PTPRQ: variants seen among roughly 807,000 people sequenced by gnomAD.
The protein encoded by PTPRQ is phosphatidylinositol phosphatase PTPRQ.
In PTPRQ, 199 loss-of-function variants were observed where a neutral mutation model predicts 246.0. The observed-to-expected ratio is 0.81, with a 90% CI of 0.72 to 0.91. The LOEUF is 0.91. PTPRQ is among the 40% of genes least tolerant of loss of function. The pLI, the probability that PTPRQ is intolerant of heterozygous loss-of-function variation, is 0.00. For synonymous variants in PTPRQ, 869 were observed against 853.2 expected (o/e 1.02, Z -0.32); for missense variants, 2,624 against 2,528.4 (o/e 1.04, Z -0.81).
intron 35 of PTPRQ, among the ~76,000 whole-genome samples, chr12:80,636,180 T>C (rs1295874911): frequency 6.6e-6 from 1 of 152,200 alleles, no homozygotes; most frequent in Non-Finnish European, 1.5e-5. Flanking sequence ...AACATTCAGA[T>C]GTTGATCTTT....
chr12:80,653,997 A>AT (rs1900340741), intron 38 of PTPRQ, among the ~76,000 whole-genome samples: 2 of 150,558 alleles, frequency 1.3e-5, no homozygotes. Context: ...AACATTCATA[A>AT]TTTCTTTTTC....
intron 3 of PTPRQ, among the ~76,000 whole-genome samples, chr12:80,457,332 T>G (rs1230588146): frequency 1.3e-5 from 2 of 152,116 alleles, no homozygotes; most frequent in Non-Finnish European, 2.9e-5. Context: ...CATTTATTCC[T>G]GTGTGACCTT....
At chr12:80,479,880 T>C (rs1893971742) in intron 8 of PTPRQ, among the ~76,000 whole-genome samples, 1 of 151,972 alleles carries the variant, frequency 6.6e-6, no homozygotes, top group Admixed American at 6.6e-5. Context: ...AAGCAAGTCC[T>C]GAGTGACCTA....
intron 3 of PTPRQ, among the ~76,000 whole-genome samples, chr12:80,455,349 A>G (rs187947121): frequency 1.3e-5 from 2 of 152,342 alleles, no homozygotes; most frequent in East Asian, 3.9e-4. Context: ...TTTAAATTAA[A>G]TAATTTAGCC....
At chr12:80,523,605 C>T (rs1301558504) in intron 17 of PTPRQ, among the ~76,000 whole-genome samples, 2 of 152,154 alleles carry the variant, frequency 1.3e-5, no homozygotes. Context: ...TTTATTTCTG[C>T]CTTCATTTCA....
chr12:80,452,919 C>A lies in PTPRQ; in HGVS notation c.391-4656C>A, dbSNP rs1048595166. 2.6e-5 allele frequency among the ~76,000 whole-genome samples: 4 copies of A among 152,236 alleles called. No individual in the cohort carries two copies. In the East Asian group the frequency reaches 7.7e-4, roughly 29 times the overall value. On this transcript the variant is annotated intron_variant, in intron 3 of 44. Coordinates refer to ENST00000644991, the MANE Select transcript of PTPRQ (RefSeq NM_001145026.2). ...TGAATGTGAATGTTGACCTGCCTTG[C>A]TGGATTGGGGAAGTTCTCCTGGATA...
chr12:80,668,971 C>T, intron 39 of PTPRQ, 36 bp from the exon 40 acceptor site: 1 of 1,518,772 alleles, frequency 6.6e-7, no homozygotes, highest in South Asian at 1.3e-5. Flanking sequence ...TATCTGTGAA[C>T]ACAGTGATGC....
At chr12:80,566,335 G>C (rs150203957) in intron 25 of PTPRQ, among the ~76,000 whole-genome samples, 1 of 151,726 alleles carries the variant, frequency 6.6e-6, no homozygotes. Flanking sequence ...AAAGTTAGCC[G>C]GGCATGGTGG....
chr12:80,510,280 A>T, intron 16 of PTPRQ, 43 bp from the exon 17 acceptor site: 1 of 1,388,538 alleles, frequency 7.2e-7, no homozygotes, highest in Non-Finnish European at 9.4e-7. Context: ...TTTTTCTTAT[A>T]TATGTTTAAT....
At chr12:80,509,780 T>C (rs932510225) in intron 16 of PTPRQ, among the ~76,000 whole-genome samples, 1 of 152,170 alleles carries the variant, frequency 6.6e-6, no homozygotes, top group Non-Finnish European at 1.5e-5. Flanking sequence ...CCATTCAATT[T>C]TGAAGACTGA....
In PTPRQ at chr12:80,669,106, T is replaced by G. The variant is rs1396168469; in HGVS notation, c.6292T>G (p.Leu2098Val). The G allele has an allele frequency of 6.5e-7, 1 of 1,550,368 alleles. No homozygotes were observed. The highest frequency in any genetic ancestry group is 8.7e-7 in the Non-Finnish European group (1 of 1,146,012). Residue 2098 changes from leucine (L) to valine (V), a missense_variant, in exon 40 of 45, where the codon TTA (leucine) becomes GTA (valine). Transcript: ENST00000644991. ...GGTGTGGGAAACCAGAGCAAAAACA[T>G]TAGTAATGCTAACACAGTGTTTTGA... ...RMVWETRAKT[L>V]VMLTQCFEKG...
At chr12:80,467,301 A>T (rs1403154692) in intron 6 of PTPRQ, among the ~76,000 whole-genome samples, 2 of 152,128 alleles carry the variant, frequency 1.3e-5, no homozygotes, top group Admixed American at 6.5e-5. Flanking sequence ...TCAAAACCAC[A>T]ATGAGATACC....
chr12:80,535,630 T>A (rs1428384564), intron 19 of PTPRQ, among the ~76,000 whole-genome samples: 1 of 152,176 alleles, frequency 6.6e-6, no homozygotes, highest in Non-Finnish European at 1.5e-5. Context: ...ATGGGCACTC[T>A]CTAGGATGTG....
chr12:80,520,293 T>C (rs974326740), intron 17 of PTPRQ, among the ~76,000 whole-genome samples: 3 of 152,146 alleles, frequency 2.0e-5, no homozygotes, highest in African/African-American at 7.2e-5. Context: ...AGTGAATAAG[T>C]CTCATCAGAC....
In PTPRQ at chr12:80,506,124, A is replaced by G; in HGVS notation, c.2373A>G (p.Gln791=). The G allele has an allele frequency of 1.3e-6, 2 of 1,540,780 alleles. No homozygotes were observed. Among genetic ancestry groups the G allele is most frequent in the Non-Finnish European group, 1.7e-6 (2 of 1,143,002 alleles). The change falls in exon 15 of 45, where the codon CAA becomes CAG. Residue 791 remains glutamine, a synonymous_variant. Transcript: ENST00000644991. Reference sequence around the variant, plus strand: ...CAAGTAGTCCCAATGGAATCATACAAAAATATACAATTTATCTCAAGAGAA... The same window carrying G: ...CAAGTAGTCCCAATGGAATCATACAGAAATATACAATTTATCTCAAGAGAA... The part of the protein sequence containing the change: ...LPPSSPNGII[Q]KYTIYLKRSN...
In PTPRQ at chr12:80,643,253, C is replaced by T. The variant is rs149820506; in HGVS notation, c.5916-5644C>T. On this transcript the variant is annotated intron_variant, in intron 35 of 44. Coordinates refer to ENST00000644991, the MANE Select transcript of PTPRQ (RefSeq NM_001145026.2). ...AGGAGTTCGAGACCAGCCTGGCCAA[C>T]ATGGCAAAATCCCGTCTCTACTAAA... 6.5e-4 allele frequency among the ~76,000 whole-genome samples: 99 copies of T among 152,140 alleles called. 1 individual carries two copies. Among genetic ancestry groups the T allele is most frequent in the African/African-American group, 2.3e-3 (94 of 41,526 alleles).
intron 26 of PTPRQ, among the ~76,000 whole-genome samples, chr12:80,603,523 T>C (rs1417616535): frequency 6.6e-6 from 1 of 151,710 alleles, no homozygotes; most frequent in Non-Finnish European, 1.5e-5. Flanking sequence ...TTCTTGGATT[T>C]AGGGATTCTG....
intron 33 of PTPRQ, among the ~76,000 whole-genome samples, chr12:80,623,900 AT>A (rs1189644076): frequency 6.6e-6 from 1 of 152,100 alleles, no homozygotes; most frequent in African/African-American, 2.4e-5. Flanking sequence ...GATTCCTTAG[AT>A]TCTGCTAAAT....
chr12:80,619,436 A>C lies in PTPRQ; in HGVS notation c.5283A>C (p.Lys1761Asn). ...CCCCTATTTATGATGCCACAGGAAA[A>C]CTGCTTGTGACTTCAACAACAATTA... ...KPTPIYDATG[K>N]LLVTSTTITI... is the part of the protein sequence containing the mutation. The change falls in exon 31 of 45, where the codon AAA becomes AAC. Residue 1761 changes from lysine (K) to asparagine (N), a missense_variant. By Grantham distance (94) the Lys-to-Asn change is moderately conservative (BLOSUM62 0). Transcript: ENST00000644991. 6.5e-7 allele frequency: 1 copy of C among 1,548,268 alleles called. No individual in the cohort carries two copies. Among genetic ancestry groups the C allele is most frequent in the East Asian group, 2.5e-5 (1 of 40,802 alleles).
Sources: gnomAD v4.1 joint callset for allele counts (sites outside exome capture counted in the v4.1 genomes callset) on GRCh38, gnomAD v4.1.1 for gene constraint, MANE v1.5 for transcripts, NCBI Gene and HGNC (gene_info 2026-07-23, HGNC 2026-07-21) for gene names.